FNTB: variants seen among roughly 807,000 people sequenced by gnomAD.
FNTB encodes the protein protein farnesyltransferase subunit beta.
In FNTB, 27 loss-of-function variants were observed where a neutral mutation model predicts 59.4. The ratio of observed to expected loss-of-function variants is 0.45; its 90% CI spans 0.34 to 0.63. The LOEUF is 0.63. Ranked by LOEUF, FNTB falls within the 20% of genes least tolerant of loss-of-function variation. The probability of loss-of-function intolerance (pLI) is 0.02; values close to 1 mark genes in which losing one functional copy is unlikely to be tolerated. For synonymous variants in FNTB, 230 were observed against 220.7 expected (o/e 1.04, Z -0.37); for missense variants, 449 against 559.6 (o/e 0.80, Z 1.99).
chr14:65,051,183 G>A (rs188334951), intron 9 of FNTB, among the ~76,000 whole-genome samples: 2 of 152,226 alleles, frequency 1.3e-5, no homozygotes, highest in East Asian at 1.9e-4. Context: ...GGTTGAAGAC[G>A]AGAAGCTTTT....
chr14:64,997,536 A>T lies in FNTB; in HGVS notation c.145-6713A>T, dbSNP rs1888443757. On this transcript the variant is annotated intron_variant, in intron 1 of 11. Transcript: ENST00000246166. This position sits in a 1 kb window ranked among gnomAD's most constrained non-coding sequence, Gnocchi z 4.5. Reference sequence around the variant, plus strand: ...TGCATGTCAGTTAAAGTCATTCTTTATTGCAAGGCTGTGGTCTTAGTGAAT... The same window carrying T: ...TGCATGTCAGTTAAAGTCATTCTTTTTTGCAAGGCTGTGGTCTTAGTGAAT... 6.6e-6 allele frequency among the ~76,000 whole-genome samples: 1 copy of T among 152,232 alleles called. No homozygotes were observed. The highest frequency in any genetic ancestry group is 2.1e-4 in the South Asian group (1 of 4,832).
rs1200894315 is a variant in FNTB at position 64,992,269 on chromosome 14, T to A, written c.144+5172T>A. Reference sequence around the variant, plus strand: ...AAAAAGTCCAAAAGGTTGTTTTTGGTCAAGTTGAAAATACATGTACTTTTA... The same window carrying A: ...AAAAAGTCCAAAAGGTTGTTTTTGGACAAGTTGAAAATACATGTACTTTTA... On this transcript the variant is annotated intron_variant, in intron 1 of 11. Transcript: ENST00000246166. Among the ~76,000 whole-genome samples the A allele has an allele frequency of 3.9e-5, 6 of 152,186 alleles. No homozygotes were observed. In the East Asian group the frequency reaches 1.2e-3, roughly 29 times the overall value.
At chr14:64,989,650 G>A (rs1211894372) in intron 1 of FNTB, among the ~76,000 whole-genome samples, 2 of 152,144 alleles carry the variant, frequency 1.3e-5, no homozygotes, top group Non-Finnish European at 2.9e-5. Flanking sequence ...ATAAATAGTG[G>A]AAGGAGTCCT....
Position 65,009,631 on chromosome 14 carries a change from C to G in FNTB, c.210-2686C>G, listed in dbSNP as rs945068798. Among the ~76,000 whole-genome samples, 3 of 152,216 alleles carry G rather than the reference C, an allele frequency of 2.0e-5. No individual in the cohort carries two copies. Among genetic ancestry groups the G allele is most frequent in the Non-Finnish European group, 2.9e-5 (2 of 68,046 alleles). On this transcript the variant is annotated intron_variant, in intron 2 of 11. Transcript: ENST00000246166. This position sits in a 1 kb window ranked among gnomAD's most constrained non-coding sequence, Gnocchi z 4.2. ...TCCCAGCCCTCCTCCATCCTCTTTA[C>G]AGACCTTCCCTATGGATTTCCTCTG...
chr14:64,987,261 C>T, intron 1 of FNTB, 164 bp downstream of exon 1: 2 of 774,776 alleles, frequency 2.6e-6, no homozygotes, highest in South Asian at 1.8e-5. Context: ...GCTTGGGCTT[C>T]GTCGTGGAGC....
chr14:65,020,050 C>T (rs1230752196), intron 4 of FNTB, among the ~76,000 whole-genome samples: 3 of 152,136 alleles, frequency 2.0e-5, no homozygotes, highest in Non-Finnish European at 4.4e-5. Flanking sequence ...GCCTTCTTTT[C>T]CCCTGCATGT....
At chr14:65,055,108 A>G (rs983964744) in intron 11 of FNTB, among the ~76,000 whole-genome samples, 2 of 152,232 alleles carry the variant, frequency 1.3e-5, no homozygotes, top group African/African-American at 4.8e-5. Context: ...CCATCTCTTC[A>G]GAGAATGAGA....
chr14:65,016,307 C>T (rs1171567873), intron 4 of FNTB, among the ~76,000 whole-genome samples: 1 of 152,228 alleles, frequency 6.6e-6, no homozygotes, highest in Non-Finnish European at 1.5e-5. Context: ...CGTGATCTGG[C>T]ATCTCATTCC....
intron 11 of FNTB, among the ~76,000 whole-genome samples, chr14:65,056,446 A>G (rs1216928858): frequency 6.6e-6 from 1 of 152,232 alleles, no homozygotes; most frequent in African/African-American, 2.4e-5. Context: ...CATCTTTGAT[A>G]GATACCTCTG....
At chr14:65,038,657 G>A (rs1307798165) in intron 7 of FNTB, among the ~76,000 whole-genome samples, 2 of 152,202 alleles carry the variant, frequency 1.3e-5, no homozygotes, top group African/African-American at 4.8e-5. Flanking sequence ...GGCGGAGGTT[G>A]CAGTGAGCCA....
rs1038625476 is a variant in FNTB at position 65,012,284 on chromosome 14, T to C, written c.210-33T>C. ...TGTGTATGGTGGAAGCATAAGCTAT[T>C]AGAATGGGCTTATAAACTGTTTGTC... On this transcript the variant is annotated intron_variant, in intron 2 of 11. Transcript: ENST00000246166. The surrounding 1 kb of genome is among the most constrained non-coding windows in gnomAD (Gnocchi z 5.0). The C allele has an allele frequency of 9.3e-6, 15 of 1,613,488 alleles. No individual in the cohort carries two copies. The African/African-American group carries it at 1.7e-4, about 19-fold the overall frequency.
At chr14:65,017,473 G>A (rs550731031) in intron 4 of FNTB, among the ~76,000 whole-genome samples, 3 of 152,234 alleles carry the variant, frequency 2.0e-5, no homozygotes, top group South Asian at 2.1e-4. Context: ...GGAAGAACTC[G>A]AGCCAAAATC....
chr14:65,038,749 A>T (rs1479419421), intron 7 of FNTB, among the ~76,000 whole-genome samples: 1 of 152,178 alleles, frequency 6.6e-6, no homozygotes, highest in Non-Finnish European at 1.5e-5. Flanking sequence ...AAAATATTTC[A>T]TTGCATGGTT....
rs940919086 is a variant in FNTB, at chr14:65,062,276, G to A, written c.*964G>A. 2.6e-5 allele frequency: 4 copies of A among 152,272 alleles called. No individual in the cohort carries two copies. The highest frequency in any genetic ancestry group is 9.6e-5 in the African/African-American group (4 of 41,466). The allele number at this position is 152,272 out of a possible 1,614,324, so 9.4% of individuals were successfully genotyped here. Reference sequence around the variant, plus strand: ...TCTTTCACCTTAACTTATGACTCAGGATTTATTCACGTCCTGCCCACTCTA... The same window carrying A: ...TCTTTCACCTTAACTTATGACTCAGAATTTATTCACGTCCTGCCCACTCTA... On this transcript the variant is annotated 3_prime_UTR_variant, in exon 12 of 12. Transcript: ENST00000246166. The surrounding 1 kb of genome is among the most constrained non-coding windows in gnomAD (Gnocchi z 4.3).
intron 4 of FNTB, among the ~76,000 whole-genome samples, chr14:65,025,198 G>A (rs1044452730): frequency 6.6e-6 from 1 of 152,172 alleles, no homozygotes; most frequent in African/African-American, 2.4e-5. Context: ...TGGTATCAAG[G>A]TGTGTCTGGT....
At chr14:65,049,314 A>G (rs770493130) in intron 9 of FNTB, among the ~76,000 whole-genome samples, 6 of 152,178 alleles carry the variant, frequency 3.9e-5, no homozygotes, top group Non-Finnish European at 8.8e-5. Context: ...TGTGAAATTG[A>G]GCTACAGATG....
chr14:65,000,815 CAAAAAAA>C (rs59420832), intron 1 of FNTB, among the ~76,000 whole-genome samples: 12 of 36,476 alleles, frequency 3.3e-4, no homozygotes, highest in East Asian at 8.8e-4. Flanking sequence ...GACTCCGTCT[CAAAAAAA>C]AAAAAAAAAA....
rs553021820 is a variant in FNTB at position 65,060,552 on chromosome 14, C to T, written c.1183-629C>T. 1.5e-3 allele frequency among the ~76,000 whole-genome samples: 197 copies of T among 127,484 alleles called. 20 individuals are homozygous for T. Among genetic ancestry groups the T allele is most frequent in the South Asian group, 9.7e-3 (38 of 3,926 alleles). 83.6% of individuals were successfully genotyped at this position (127,484 alleles called of 152,430 possible). ...TCTACTAAAAATACAAAAAATTAGC[C>T]GGGCGTAGTGGCGGGCGCCTGTAGT... On this transcript the variant is annotated intron_variant, in intron 11 of 11. Coordinates refer to ENST00000246166, the MANE Select transcript of FNTB (RefSeq NM_002028.4).
rs574815114 is a variant in FNTB at position 65,052,717 on chromosome 14, G to A, written c.956-521G>A. Among the ~76,000 whole-genome samples the A allele has an allele frequency of 8.7e-4, 133 of 152,348 alleles. 3 individuals carry two copies. The South Asian group carries it at 0.024, about 28-fold the overall frequency. ...GTTTCTTAGGTAAATTCTTTGAGCT[G>A]AGAGACAAGTTAGAGAATTCCCTTT... On this transcript the variant is annotated intron_variant, in intron 9 of 11. Coordinates refer to ENST00000246166, the MANE Select transcript of FNTB (RefSeq NM_002028.4).
Sources: gnomAD v4.1 joint callset for allele counts (sites outside exome capture counted in the v4.1 genomes callset) on GRCh38, gnomAD v4.1.1 for gene constraint, Gnocchi (gnomAD v3.1) non-coding constraint, MANE v1.5 for transcripts, NCBI Gene and HGNC (gene_info 2026-07-23, HGNC 2026-07-21) for gene names.